The following OR2L13 variants were observed in gnomAD, a reference collection of about 807,000 sequenced individuals.
OR2L13 encodes olfactory receptor 2L13.
In OR2L13, 14 loss-of-function variants were observed where a neutral mutation model predicts 15.3. The observed-to-expected ratio is 0.91, with a 90% CI of 0.60 to 1.43. The LOEUF (loss-of-function observed/expected upper bound fraction) is 1.43, where lower values mean the gene tolerates loss of function less well. OR2L13 is among the 40% of genes most tolerant of loss of function. The pLI is 0.00. For missense variants in OR2L13, 367 were observed against 387.9 expected, an observed-to-expected ratio of 0.95 and a Z score of 0.45; for synonymous variants, 152 against 142.9, an observed-to-expected ratio of 1.06 and a Z score of -0.45.
the OR2L13 span, among the ~76,000 whole-genome samples, chr1:248,073,628 A>G: frequency 1.3e-5 from 2 of 151,952 alleles, no homozygotes; most frequent in Non-Finnish European, 2.9e-5. Flanking sequence ...AAGTGTAATA[A>G]TAATAAAATA....
At chr1:248,061,386 A>G in the OR2L13 span, 54 of 1,613,908 alleles carry the variant, frequency 3.3e-5, 1 homozygote, top group Middle Eastern at 2.5e-3. Context: ...GGAGGAAGAA[A>G]GCCTACCTGA....
chr1:247,982,696 C>T, the OR2L13 span, among the ~76,000 whole-genome samples: 1 of 151,174 alleles, frequency 6.6e-6, no homozygotes, highest in Non-Finnish European at 1.5e-5. Context: ...TCTGAGAAAC[C>T]ATTTTTCTAT....
the OR2L13 span, chr1:247,965,725 T>G: frequency 1.3e-6 from 2 of 1,558,900 alleles, no homozygotes; most frequent in Non-Finnish European, 1.7e-6. Flanking sequence ...TCTCCTTGGT[T>G]TTATGTCTTA....
At chr1:248,061,010 A>G in the OR2L13 span, 1 of 1,614,070 alleles carries the variant, frequency 6.2e-7, no homozygotes, top group South Asian at 1.1e-5. Context: ...GGAGGTGCAG[A>G]AGCACTACTT....
the OR2L13 span, among the ~76,000 whole-genome samples, chr1:247,941,788 T>C: frequency 7.1e-3 from 1,087 of 152,326 alleles, 11 homozygotes; most frequent in African/African-American, 0.025. Flanking sequence ...CTTCATTTCA[T>C]TAATGAATAC....
chr1:248,019,533 A>C, the OR2L13 span, among the ~76,000 whole-genome samples: 16 of 152,264 alleles, frequency 1.1e-4, no homozygotes, highest in Admixed American at 2.0e-4. Context: ...TTTAGTTTGA[A>C]TTAATTTTTC....
the OR2L13 span, among the ~76,000 whole-genome samples, chr1:248,072,161 C>A: frequency 2.0e-5 from 3 of 151,990 alleles, no homozygotes; most frequent in African/African-American, 7.2e-5. Context: ...AAAGAGCCCA[C>A]ATTGCCAACT....
At chr1:248,023,059 G>T in the OR2L13 span, 5 of 564,008 alleles carry the variant, frequency 8.9e-6, no homozygotes, top group East Asian at 3.2e-5. Flanking sequence ...CATCTATTTT[G>T]TTTCTGTTTG....
At chr1:248,099,676 T>C in exon 3 of OR2L13, 1 of 1,614,076 alleles carries the variant, frequency 6.2e-7, no homozygotes, top group South Asian at 1.1e-5. Flanking sequence ...TGTGCAAAGC[T>C]TCTTCTTCCT....
chr1:248,099,790 A>T (rs745471287), exon 3 of OR2L13: 1 of 1,614,062 alleles, frequency 6.2e-7, no homozygotes, highest in South Asian at 1.1e-5. Context: ...GAGTAAAATG[A>T]TGTGTGTGAA....
At chr1:247,993,807 G>GAGAGAA in the OR2L13 span, among the ~76,000 whole-genome samples, 450 of 128,894 alleles carry the variant, frequency 3.5e-3, 9 homozygotes, top group African/African-American at 0.012. Flanking sequence ...GAGAGAGAGA[G>GAGAGAA]AGAGAAAGAA....
the OR2L13 span, among the ~76,000 whole-genome samples, chr1:248,017,462 C>T: frequency 6.6e-6 from 1 of 152,160 alleles, no homozygotes; most frequent in African/African-American, 2.4e-5. Context: ...TCACAAAATA[C>T]GTCTCCTGCC....
At chr1:248,038,311 G>T in the OR2L13 span, 2 of 1,613,176 alleles carry the variant, frequency 1.2e-6, no homozygotes, top group African/African-American at 1.3e-5. Context: ...ATCTTATTGG[G>T]GCTGTTCCCA....
At chr1:248,057,492 AT>A in the OR2L13 span, among the ~76,000 whole-genome samples, 1 of 151,920 alleles carries the variant, frequency 6.6e-6, no homozygotes, top group East Asian at 1.9e-4. Flanking sequence ...TGCTTGGTAA[AT>A]TTTTCTCTAT....
exon 3 of OR2L13, chr1:248,099,558 TCTC>T: frequency 6.2e-7 from 1 of 1,614,118 alleles, no homozygotes. Flanking sequence ...TGTACTTTCT[TCTC>T]AGCCAGCTCT....
the OR2L13 span, among the ~76,000 whole-genome samples, chr1:247,957,540 C>T: frequency 6.6e-6 from 1 of 152,146 alleles, no homozygotes; most frequent in Admixed American, 6.5e-5. Context: ...CCTTATACCT[C>T]TGGTAAATTC....
the OR2L13 span, among the ~76,000 whole-genome samples, chr1:247,961,418 G>A: frequency 3.3e-5 from 5 of 152,198 alleles, no homozygotes; most frequent in African/African-American, 1.2e-4. Flanking sequence ...GAGGCAGATA[G>A]ATGAGAAAGG....
At chr1:248,085,621 A>C in the OR2L13 span, among the ~76,000 whole-genome samples, 1 of 152,040 alleles carries the variant, frequency 6.6e-6, no homozygotes, top group Non-Finnish European at 1.5e-5. Flanking sequence ...CTAAGAAAAA[A>C]AGTAAACATG....
exon 3 of OR2L13, chr1:248,099,578 T>C (rs192777681): frequency 4.3e-6 from 7 of 1,613,982 alleles, no homozygotes; most frequent in African/African-American, 4.0e-5. Context: ...CTCTCCCTTA[T>C]GGACCTGATG....
Sources: gnomAD v4.1 joint callset for allele counts (sites outside exome capture counted in the v4.1 genomes callset) on GRCh38, gnomAD v4.1.1 for gene constraint, MANE v1.5 for transcripts, NCBI Gene and HGNC (gene_info 2026-07-23, HGNC 2026-07-21) for gene names.